Variants in SLC4A5 observed in about 807,000 individuals in gnomAD.
SLC4A5 encodes solute carrier family 4 member 5.
In SLC4A5, 96 loss-of-function variants were observed where a neutral mutation model predicts 120.4. The ratio of observed to expected loss-of-function variants is 0.80; its 90% CI spans 0.68 to 0.94. The LOEUF (loss-of-function observed/expected upper bound fraction) is 0.94. SLC4A5 is among the 40% of genes least tolerant of loss of function. The probability of loss-of-function intolerance (pLI) is 0.00; values close to 1 mark genes in which losing one functional copy is unlikely to be tolerated. For missense variants in SLC4A5, 1,259 were observed against 1,459.5 expected (o/e 0.86, Z 2.24); for synonymous variants, 550 against 571.1 (o/e 0.96, Z 0.53).
intron 13 of SLC4A5, among the ~76,000 whole-genome samples, chr2:74,254,968 T>C (rs935877153): frequency 2.2e-4 from 34 of 152,066 alleles, no homozygotes; most frequent in African/African-American, 7.5e-4. Context: ...TACAGGCGTG[T>C]ACCACCAAGC....
chr2:74,312,418 C>T lies in SLC4A5; in HGVS notation c.79+2527G>A, dbSNP rs138684251. Among the ~76,000 whole-genome samples, 367 of 152,020 alleles carry T rather than the reference C, an allele frequency of 2.4e-3. 4 individuals carry two copies. The highest frequency in any genetic ancestry group is 2.0e-3 in the Non-Finnish European group (138 of 67,968). On this transcript the variant is annotated intron_variant, in intron 6 of 30. Transcript: ENST00000394019. ...CTAATTTATGTATTTGTAGTAGAGA[C>T]AGGGTTTCACCATGTTGGCCAGGCT...
intron 8 of SLC4A5, among the ~76,000 whole-genome samples, chr2:74,265,688 G>C (rs558350905): frequency 1.3e-5 from 2 of 152,172 alleles, no homozygotes; most frequent in East Asian, 3.8e-4. Flanking sequence ...TCACACATGA[G>C]TGTTCAGTGT....
chr2:74,328,025 A>T, intron 5 of SLC4A5, 95 bp downstream of exon 5: 1 of 585,268 alleles, frequency 1.7e-6, no homozygotes, highest in Non-Finnish European at 2.2e-6. Flanking sequence ...TGTGAAGCTT[A>T]CTCTTAAATA....
At chr2:74,218,535 T>C (rs1430707101) in exon 31 of SLC4A5, 1 of 152,404 alleles carries the variant, frequency 6.6e-6, no homozygotes, top group African/African-American at 2.4e-5. Context: ...CTCTGTTTGA[T>C]AAAGAAGGAA....
At chr2:74,316,691 C>T (rs1393301592) in intron 5 of SLC4A5, among the ~76,000 whole-genome samples, 2 of 152,212 alleles carry the variant, frequency 1.3e-5, no homozygotes, top group Non-Finnish European at 2.9e-5. Flanking sequence ...TTCTTTTCCT[C>T]TAGCAGCTAA....
At chr2:74,331,635 G>A (rs539651529) in intron 4 of SLC4A5, among the ~76,000 whole-genome samples, 1 of 152,002 alleles carries the variant, frequency 6.6e-6, no homozygotes, top group South Asian at 2.1e-4. Flanking sequence ...TCACCTCTCT[G>A]GGCCTCAGTG....
chr2:74,277,134 C>T (rs531415328), intron 8 of SLC4A5, among the ~76,000 whole-genome samples: 47 of 152,162 alleles, frequency 3.1e-4, no homozygotes, highest in Non-Finnish European at 5.9e-4. Flanking sequence ...AACCTCCTGA[C>T]GATGACAGTG....
At chr2:74,257,426 G>T (rs1349682316) in intron 12 of SLC4A5, among the ~76,000 whole-genome samples, 1 of 152,024 alleles carries the variant, frequency 6.6e-6, no homozygotes, top group African/African-American at 2.4e-5. Flanking sequence ...TGGAGGGCTG[G>T]GTGTAACAGG....
At chr2:74,229,174 G>A (rs1018683047) in intron 25 of SLC4A5, among the ~76,000 whole-genome samples, 5 of 122,860 alleles carry the variant, frequency 4.1e-5, no homozygotes, top group Non-Finnish European at 8.0e-5. Flanking sequence ...GTTCTCAAGT[G>A]ATCCTCCCAC....
chr2:74,306,667 A>C, intron 6 of SLC4A5: 1 of 603,258 alleles, frequency 1.7e-6, no homozygotes, highest in Non-Finnish European at 2.5e-6. Context: ...TTTTTTTTTT[A>C]ACCTCTGAAC....
chr2:74,248,510 T>G (rs1210368130), intron 17 of SLC4A5, 24 bp from the exon 18 acceptor site: 2 of 1,613,076 alleles, frequency 1.2e-6, no homozygotes, highest in South Asian at 2.2e-5. Flanking sequence ...GAATGTGTGG[T>G]TCAGCATAGG....
intron 19 of SLC4A5, among the ~76,000 whole-genome samples, chr2:74,243,247 C>T (rs1298106363): frequency 2.0e-5 from 3 of 152,198 alleles, no homozygotes; most frequent in Non-Finnish European, 2.9e-5. Flanking sequence ...CCTTCTGCTC[C>T]CCCGTTCTGC....
intron 3 of SLC4A5, among the ~76,000 whole-genome samples, chr2:74,335,245 C>A (rs1673454104): frequency 6.6e-6 from 1 of 152,226 alleles, no homozygotes; most frequent in Admixed American, 6.5e-5. Context: ...ATGACAGTCT[C>A]TCTACTTAAG....
chr2:74,297,835 A>G (rs1054693441), intron 7 of SLC4A5, among the ~76,000 whole-genome samples: 1 of 152,194 alleles, frequency 6.6e-6, no homozygotes, highest in Non-Finnish European at 1.5e-5. Context: ...GAGAGAGAAA[A>G]TAAATAAACC....
At chr2:74,267,948 G>A (rs753482388) in intron 8 of SLC4A5, among the ~76,000 whole-genome samples, 7 of 151,948 alleles carry the variant, frequency 4.6e-5, no homozygotes, top group Non-Finnish European at 8.8e-5. Flanking sequence ...TGGCACCACT[G>A]CACTCCAGCC....
intron 7 of SLC4A5, among the ~76,000 whole-genome samples, chr2:74,288,299 C>A (rs1386081420): frequency 6.6e-6 from 1 of 152,150 alleles, no homozygotes; most frequent in African/African-American, 2.4e-5. Flanking sequence ...CCCACTACTT[C>A]TTACTGGTGT....
At chr2:74,339,580 A>AGGGGAACTTGGAGGTCGGGGCTC (rs1673578741) in intron 2 of SLC4A5, 1 of 152,204 alleles carries the variant, frequency 6.6e-6, no homozygotes, top group South Asian at 2.1e-4. Flanking sequence ...GCTTCCTGGG[A>AGGGGAACTTGGAGGTCGGGGCTC]GGGGAACTTG....
At chr2:74,264,072 GT>G in intron 10 of SLC4A5, 74 bp downstream of exon 10, 3 of 1,526,880 alleles carry the variant, frequency 2.0e-6, no homozygotes, top group Non-Finnish European at 1.8e-6. Flanking sequence ...AGCCCCTAAG[GT>G]GGGCTCACCC....
intron 11 of SLC4A5, 142 bp downstream of exon 11, chr2:74,261,995 A>T (rs1353903874): frequency 1.5e-6 from 1 of 665,578 alleles, no homozygotes; most frequent in East Asian, 2.8e-5. Flanking sequence ...GTTTAGAGTG[A>T]AAGTTAGGCT....
Sources: allele counts gnomAD v4.1 joint callset (sites outside exome capture counted in the v4.1 genomes callset), GRCh38; gene constraint gnomAD v4.1.1; transcripts MANE v1.5; gene names NCBI Gene and HGNC (gene_info 2026-07-23, HGNC 2026-07-21).